Variants in GTF2F2 observed in about 807,000 individuals in gnomAD.
GTF2F2 encodes general transcription factor IIF subunit 2.
Under a neutral mutation model 42.2 loss-of-function variants are expected in GTF2F2, and 23 were observed. That is an observed-to-expected ratio of 0.55 (90% CI 0.39 to 0.77). The LOEUF is 0.77. Among genes scored for constraint, GTF2F2 ranks in the 30% least tolerant of loss-of-function variants. The pLI is 0.00. For synonymous variants in GTF2F2, 105 were observed against 100.8 expected, an observed-to-expected ratio of 1.04 and a Z score of -0.25; for missense variants, 261 against 287.2, an observed-to-expected ratio of 0.91 and a Z score of 0.66.
chr13:45,245,700 T>TATATATATATATAC (rs1372154058), intron 5 of GTF2F2, among the ~76,000 whole-genome samples: 1 of 65,492 alleles, frequency 1.5e-5, no homozygotes, highest in Non-Finnish European at 2.8e-5. Flanking sequence ...TATATATATA[T>TATATATATATATAC]ACATATACAT....
chr13:45,193,759 C>A, intron 4 of GTF2F2: 1 of 1,544,158 alleles, frequency 6.5e-7, no homozygotes, highest in South Asian at 1.3e-5. Context: ...TGGCTGCATG[C>A]TTGTTGCCTT....
At chr13:45,236,786 G>A (rs1875013905) in intron 5 of GTF2F2, among the ~76,000 whole-genome samples, 1 of 152,100 alleles carries the variant, frequency 6.6e-6, no homozygotes, top group South Asian at 2.1e-4. Flanking sequence ...AGCAGAAGAG[G>A]AATAAAACAG....
chr13:45,251,039 T>C (rs1212343159), intron 5 of GTF2F2, among the ~76,000 whole-genome samples: 1 of 152,252 alleles, frequency 6.6e-6, no homozygotes, highest in Non-Finnish European at 1.5e-5. Flanking sequence ...TATATGTAAC[T>C]GGAATAATTT....
At chr13:45,268,559 G>C (rs182873110) in intron 7 of GTF2F2, among the ~76,000 whole-genome samples, 148 of 151,972 alleles carry the variant, frequency 9.7e-4, no homozygotes, top group African/African-American at 3.4e-3. Flanking sequence ...CACTCCCTTT[G>C]GCATCAAAGC....
At chr13:45,209,135 T>C (rs1873531531) in intron 5 of GTF2F2, among the ~76,000 whole-genome samples, 1 of 152,268 alleles carries the variant, frequency 6.6e-6, no homozygotes, top group African/African-American at 2.4e-5. Context: ...GAAAATTGTT[T>C]AGCCTTTCAA....
At chr13:45,277,882 A>G (rs1241076073) in intron 7 of GTF2F2, among the ~76,000 whole-genome samples, 3 of 152,232 alleles carry the variant, frequency 2.0e-5, no homozygotes, top group Non-Finnish European at 4.4e-5. Flanking sequence ...CATATTGAAT[A>G]TTCAGTCTCA....
intron 5 of GTF2F2, among the ~76,000 whole-genome samples, chr13:45,247,482 TC>T (rs1199403837): frequency 6.6e-6 from 1 of 151,960 alleles, no homozygotes; most frequent in Non-Finnish European, 1.5e-5. Context: ...AACCTCCGCC[TC>T]CTGGCTTCAA....
intron 4 of GTF2F2, among the ~76,000 whole-genome samples, chr13:45,153,225 A>G (rs1203149953): frequency 1.3e-5 from 2 of 148,818 alleles, no homozygotes; most frequent in African/African-American, 5.0e-5. Context: ...TCACCGTGTT[A>G]GCCAGGATGG....
chr13:45,168,820 C>CTTCA (rs1871433738), intron 4 of GTF2F2, among the ~76,000 whole-genome samples: 1 of 147,460 alleles, frequency 6.8e-6, no homozygotes, highest in Non-Finnish European at 1.5e-5. Flanking sequence ...TCCTTCCTTC[C>CTTCA]TTCCTTCCCT....
At chr13:45,123,949 C>G (rs969219602) in intron 1 of GTF2F2, 35 of 637,616 alleles carry the variant, frequency 5.5e-5, no homozygotes, top group Admixed American at 4.9e-4. Flanking sequence ...GGCAGGGACT[C>G]CCCAGCATTG....
Position 45,268,554 on chromosome 13 carries a change from C to T in GTF2F2, c.630+1178C>T, listed in dbSNP as rs1593527636. On this transcript the variant is annotated intron_variant, in intron 7 of 7. Coordinates refer to ENST00000340473, the MANE Select transcript of GTF2F2 (RefSeq NM_004128.3). The stretch of plus-strand genomic sequence containing the variant: ...TCAATTCATCCCAATGACTTCACTC[C>T]CTTTGGCATCAAAGCCTTAGAAACA... 1.3e-5 allele frequency among the ~76,000 whole-genome samples: 2 copies of T among 152,126 alleles called. 1 individual carries two copies. Among genetic ancestry groups the T allele is most frequent in the Admixed American group, 1.3e-4 (2 of 15,294 alleles).
At position 45,136,753 on chromosome 13, in the gene GTF2F2, G is replaced by A. The variant is rs145466997; in HGVS notation, c.87G>A (p.Gln29=). The stretch of plus-strand genomic sequence containing the variant: ...TTTAGGTTCCTAAATATTTGTCACA[G>A]CAATGGGCTAAAGCCTCTGGAAGAG... ...WLVKVPKYLS[Q]QWAKASGRGE... The change falls in exon 2 of 8, where the codon CAG becomes CAA. Residue 29 remains glutamine (Q), a synonymous_variant. Transcript: ENST00000340473. The A allele has an allele frequency of 1.6e-5, 26 of 1,593,324 alleles. No individual in the cohort carries two copies. In the East Asian group the frequency reaches 5.8e-4, roughly 36 times the overall value.
intron 1 of GTF2F2, among the ~76,000 whole-genome samples, chr13:45,124,408 T>C (rs1237986418): frequency 6.6e-6 from 1 of 150,750 alleles, no homozygotes; most frequent in Non-Finnish European, 1.5e-5. Flanking sequence ...TAAAAAATTA[T>C]TTTTGCGGCC....
chr13:45,245,553 G>A (rs1274927860), intron 5 of GTF2F2, among the ~76,000 whole-genome samples: 2 of 151,442 alleles, frequency 1.3e-5, no homozygotes, highest in Admixed American at 6.6e-5. Flanking sequence ...ACAATGTTTG[G>A]TTTCCCATTC....
chr13:45,175,578 A>G (rs956041852), intron 4 of GTF2F2, among the ~76,000 whole-genome samples: 1 of 152,142 alleles, frequency 6.6e-6, no homozygotes, highest in African/African-American at 2.4e-5. Context: ...GTATCCAAAT[A>G]TGTGTGTACT....
At chr13:45,177,710 A>T (rs1313451896) in intron 4 of GTF2F2, among the ~76,000 whole-genome samples, 1 of 152,224 alleles carries the variant, frequency 6.6e-6, no homozygotes, top group Non-Finnish European at 1.5e-5. Flanking sequence ...CTAAATGAAA[A>T]AGTAAGAGTT....
At chr13:45,196,822 G>A (rs1302798282) in intron 4 of GTF2F2, among the ~76,000 whole-genome samples, 2 of 152,202 alleles carry the variant, frequency 1.3e-5, no homozygotes, top group African/African-American at 2.4e-5. Context: ...CTTCCATGAG[G>A]TGATGAGAAG....
chr13:45,191,224 A>AAAAAAAAAAAATATAT, intron 4 of GTF2F2, among the ~76,000 whole-genome samples: 7 of 75,304 alleles, frequency 9.3e-5, no homozygotes, highest in African/African-American at 4.0e-4. Context: ...ACAAAAAAAA[A>AAAAAAAAAAAATATAT]ATATATATAT....
intron 5 of GTF2F2, among the ~76,000 whole-genome samples, chr13:45,237,155 T>A (rs1593509660): frequency 3.3e-5 from 5 of 152,320 alleles, no homozygotes; most frequent in African/African-American, 1.2e-4. Context: ...CCCAAAGCTG[T>A]AAACTGCCAT....
Sources: gnomAD v4.1 joint callset for allele counts (sites outside exome capture counted in the v4.1 genomes callset) on GRCh38, gnomAD v4.1.1 for gene constraint, MANE v1.5 for transcripts, NCBI Gene and HGNC (gene_info 2026-07-23, HGNC 2026-07-21) for gene names.